LIPA: variants seen among roughly 807,000 people sequenced by gnomAD.
The protein encoded by LIPA is lysosomal acid lipase/cholesteryl ester hydrolase.
LIPA carries 26 observed loss-of-function variants against 40.6 expected under a neutral mutation model. That is an observed-to-expected ratio of 0.64 (90% CI 0.47 to 0.89). The LOEUF (loss-of-function observed/expected upper bound fraction) is 0.89, where lower values mean the gene tolerates loss of function less well. Ranked by LOEUF, LIPA falls within the 40% of genes least tolerant of loss-of-function variation. The pLI is 0.00. For synonymous variants in LIPA, 188 were observed against 168.4 expected (o/e 1.12, Z -0.90); for missense variants, 455 against 479.6 (o/e 0.95, Z 0.48).
At chr10:89,254,878 G>C (rs192915998), upstream of LIPA, among the ~76,000 whole-genome samples, 219 of 152,268 alleles carry the variant, frequency 1.4e-3, 1 homozygote, top group African/African-American at 4.3e-3. Flanking sequence ...CAGTATCTTT[G>C]CTAAAACATA....
At chr10:89,365,806 G>C (rs548338865) in intron 2 of LIPA, among the ~76,000 whole-genome samples, 2 of 152,272 alleles carry the variant, frequency 1.3e-5, no homozygotes, top group East Asian at 1.9e-4. Context: ...TTCCATTGGT[G>C]TACATCTCTG....
chr10:89,289,873 A>T (rs992218754), intron 1 of LIPA, among the ~76,000 whole-genome samples: 1 of 151,766 alleles, frequency 6.6e-6, no homozygotes, highest in African/African-American at 2.4e-5. Flanking sequence ...TCTCCACCAC[A>T]CTATCAATCT....
chr10:89,366,559 C>T (rs200461664), intron 2 of LIPA, among the ~76,000 whole-genome samples: 1 of 152,108 alleles, frequency 6.6e-6, no homozygotes, highest in Non-Finnish European at 1.5e-5. Flanking sequence ...ATGCAGCCAA[C>T]AGACACATGA....
intron 2 of LIPA, chr10:89,362,520 G>T: frequency 3.9e-6 from 1 of 255,162 alleles, no homozygotes; most frequent in South Asian, 9.1e-5. Context: ...GAAGTTGAAT[G>T]AGAACACACC....
At chr10:89,218,811 C>CT (rs1474966281) in intron 8 of LIPA, among the ~76,000 whole-genome samples, 2 of 152,134 alleles carry the variant, frequency 1.3e-5, no homozygotes, top group African/African-American at 4.8e-5. Flanking sequence ...TCTCTCTGAA[C>CT]TTTATTATGA....
At chr10:89,345,551 T>C (rs2133583317), upstream of LIPA, among the ~76,000 whole-genome samples, 1 of 151,280 alleles carries the variant, frequency 6.6e-6, no homozygotes, top group South Asian at 2.1e-4. Context: ...AATAAATAAA[T>C]AAATAAATAA....
intron 1 of LIPA, among the ~76,000 whole-genome samples, chr10:89,280,364 A>G (rs1469279119): frequency 6.6e-6 from 1 of 152,230 alleles, no homozygotes; most frequent in African/African-American, 2.4e-5. Context: ...GCTCTCAGGC[A>G]AACAGGAAAG....
intron 2 of LIPA, among the ~76,000 whole-genome samples, chr10:89,356,718 A>T (rs772695448): frequency 6.6e-6 from 1 of 152,212 alleles, no homozygotes; most frequent in African/African-American, 2.4e-5. Context: ...TTTATATTAC[A>T]ATGTAATAAT....
chr10:89,253,098 A>T (rs944553959), upstream of LIPA, among the ~76,000 whole-genome samples: 1 of 152,296 alleles, frequency 6.6e-6, no homozygotes, highest in South Asian at 2.1e-4. Context: ...ACTTGTCAAG[A>T]TCTTACCGTG....
chr10:89,232,756 A>G (rs139572915), intron 3 of LIPA, among the ~76,000 whole-genome samples: 125 of 152,336 alleles, frequency 8.2e-4, no homozygotes, highest in Middle Eastern at 3.4e-3. Context: ...ATTTCCCTAA[A>G]GTCTCTGTAC....
intron 1 of LIPA, among the ~76,000 whole-genome samples, chr10:89,325,978 C>T (rs1321699072): frequency 2.1e-4 from 32 of 152,136 alleles, no homozygotes; most frequent in Non-Finnish European, 1.5e-5. Context: ...AACTCTTGTA[C>T]ACTGTTGGTG....
In LIPA at chr10:89,393,041, T is replaced by C. The variant is rs959110764; in HGVS notation, c.61+19750A>G. 6.5e-5 allele frequency: 57 copies of C among 876,164 alleles called. 2 individuals are homozygous for C. In the South Asian group the frequency reaches 7.0e-4, roughly 11 times the overall value. The allele number at this position is 876,164 out of a possible 1,614,324, so 54.3% of individuals were successfully genotyped here. Reference sequence around the variant, plus strand: ...ATCTGAGAGATTCTTTCCCATCAGATTCACTTCTGTCTGATATGGGGAAGG... The same window carrying C: ...ATCTGAGAGATTCTTTCCCATCAGACTCACTTCTGTCTGATATGGGGAAGG... On this transcript the variant is annotated intron_variant, in intron 2 of 8. Transcript: ENST00000371837.
upstream of LIPA, among the ~76,000 whole-genome samples, chr10:89,255,453 A>T (rs1164998746): frequency 1.3e-5 from 2 of 152,168 alleles, no homozygotes; most frequent in Admixed American, 6.5e-5. Context: ...CTCCCACAAC[A>T]TGTGGGCATT....
At chr10:89,408,363 T>C (rs944272505) in intron 2 of LIPA, among the ~76,000 whole-genome samples, 6 of 152,208 alleles carry the variant, frequency 3.9e-5, no homozygotes, top group African/African-American at 1.4e-4. Context: ...TTCTTTTCAT[T>C]GAAGGAAAAT....
chr10:89,248,192 C>G (rs1186156790), intron 1 of LIPA, among the ~76,000 whole-genome samples: 1 of 140,462 alleles, frequency 7.1e-6, no homozygotes, highest in Non-Finnish European at 1.5e-5. Flanking sequence ...TTCGGAGTCT[C>G]GCTCTGTTGC....
At chr10:89,287,909 C>T (rs1462778791) in intron 1 of LIPA, among the ~76,000 whole-genome samples, 2 of 152,110 alleles carry the variant, frequency 1.3e-5, no homozygotes, top group South Asian at 4.1e-4. Flanking sequence ...TCCTCAATAC[C>T]TCCCTCCACA....
At chr10:89,313,537 G>A (rs979192859) in intron 1 of LIPA, among the ~76,000 whole-genome samples, 1 of 152,124 alleles carries the variant, frequency 6.6e-6, no homozygotes, top group Non-Finnish European at 1.5e-5. Flanking sequence ...TCCATTCCTA[G>A]ATACATATGT....
intron 1 of LIPA, among the ~76,000 whole-genome samples, chr10:89,305,099 G>C (rs1003304988): frequency 6.6e-6 from 1 of 151,808 alleles, no homozygotes; most frequent in Admixed American, 6.6e-5. Flanking sequence ...GTATGGGGGG[G>C]AGGGGAGGAA....
intron 1 of LIPA, among the ~76,000 whole-genome samples, chr10:89,276,861 G>A (rs1843291799): frequency 6.6e-6 from 1 of 152,022 alleles, no homozygotes; most frequent in African/African-American, 2.4e-5. Context: ...GATAGATGAG[G>A]AAACTGCAAC....
Sources: allele counts gnomAD v4.1 joint callset (sites outside exome capture counted in the v4.1 genomes callset), GRCh38; gene constraint gnomAD v4.1.1; transcripts MANE v1.5; gene names NCBI Gene and HGNC (gene_info 2026-07-23, HGNC 2026-07-21).